Variants in TTC39B observed in about 807,000 individuals in gnomAD.
TTC39B encodes the protein tetratricopeptide repeat domain 39B.
In TTC39B, 92 loss-of-function variants were observed where a neutral mutation model predicts 96.6. The observed-to-expected ratio is 0.95, with a 90% confidence interval of 0.80 to 1.13. TTC39B has a LOEUF of 1.13. Among genes scored for constraint, TTC39B ranks in the 50% most tolerant of loss-of-function variants. The probability of loss-of-function intolerance (pLI) is 0.00; values close to 1 mark genes in which losing one functional copy is unlikely to be tolerated. For missense variants in TTC39B, 955 were observed against 809.3 expected (o/e 1.18, Z -2.18); for synonymous variants, 367 against 299.4 (o/e 1.23, Z -2.33).
In TTC39B at chr9:15,226,020, T is replaced by C; in HGVS notation, c.276-8A>G. The C allele has an allele frequency of 1.9e-6, 3 of 1,612,546 alleles. No individual in the cohort carries two copies. Among genetic ancestry groups the C allele is most frequent in the South Asian group, 2.2e-5 (2 of 91,048 alleles). On this transcript the variant is annotated splice_polypyrimidine_tract_variant and splice_region_variant and intron_variant, in intron 2 of 19. Transcript: ENST00000512701. Reference sequence around the variant, plus strand: ...ATATCTGAGTGAGAAGATCTGTTAATTAAAAAGGCAGAGCAAGGTTTTTTA... The same window carrying C: ...ATATCTGAGTGAGAAGATCTGTTAACTAAAAAGGCAGAGCAAGGTTTTTTA...
intron 6 of TTC39B, among the ~76,000 whole-genome samples, chr9:15,204,811 G>T (rs1300830874): frequency 1.3e-5 from 2 of 152,152 alleles, no homozygotes; most frequent in Non-Finnish European, 2.9e-5. Context: ...TCTAGCACAA[G>T]AACAAGGTAC....
intron 1 of TTC39B, among the ~76,000 whole-genome samples, chr9:15,284,247 G>C (rs572423897): frequency 7.6e-4 from 116 of 152,330 alleles, no homozygotes; most frequent in African/African-American, 2.6e-3. Flanking sequence ...TTACAAGGTT[G>C]ATAATATCCA....
chr9:15,177,041 A>C (rs192269695), intron 18 of TTC39B, among the ~76,000 whole-genome samples: 1 of 152,350 alleles, frequency 6.6e-6, no homozygotes, highest in East Asian at 1.9e-4. Context: ...CTTTACTGCC[A>C]AATTATTATC....
At chr9:15,175,227 T>G in intron 18 of TTC39B, 92 bp from the exon 19 acceptor site, 1 of 862,256 alleles carries the variant, frequency 1.2e-6, no homozygotes, top group South Asian at 1.6e-5. Flanking sequence ...TCAGAAAACA[T>G]GTGCAGCACT....
At chr9:15,242,191 A>G (rs189031219) in intron 2 of TTC39B, among the ~76,000 whole-genome samples, 13 of 152,228 alleles carry the variant, frequency 8.5e-5, no homozygotes, top group African/African-American at 3.1e-4. Flanking sequence ...TAAATAAACA[A>G]AGGAGCAAAT....
chr9:15,240,819 C>T (rs902302341), intron 2 of TTC39B, among the ~76,000 whole-genome samples: 7 of 152,150 alleles, frequency 4.6e-5, no homozygotes, highest in African/African-American at 1.7e-4. Flanking sequence ...TTAAAAAAGT[C>T]AGTTCTTGAA....
rs757834350 is a variant in TTC39B at position 15,177,809 on chromosome 9, T to A, written c.1729A>T (p.Asn577Tyr). 7 of 1,580,194 alleles carry A rather than the reference T, an allele frequency of 4.4e-6. No individual in the cohort carries two copies. In the African/African-American group the frequency reaches 9.6e-5, roughly 22 times the overall value. The change falls in exon 18 of 20, where the codon AAC becomes TAC. Residue 577 changes from asparagine to tyrosine, a missense_variant. Coordinates refer to ENST00000512701, the Ensembl canonical transcript of TTC39B. Reference sequence around the variant, plus strand: ...CACTCATCATCCACAGAGAAGCTGTTAAAATCTTAAAACAAAAAACATACA... The same window carrying A: ...CACTCATCATCCACAGAGAAGCTGTAAAAATCTTAAAACAAAAAACATACA...
At chr9:15,294,541 A>C (rs1023647276) in intron 1 of TTC39B, among the ~76,000 whole-genome samples, 5 of 152,220 alleles carry the variant, frequency 3.3e-5, no homozygotes, top group African/African-American at 1.2e-4. Context: ...ACAAATATTA[A>C]CACTTTTCAG....
Position 15,184,953 on chromosome 9 carries a change from C to T in TTC39B, c.1614+327G>A, listed in dbSNP as rs114276067. Among the ~76,000 whole-genome samples, 740 of 152,200 alleles carry T rather than the reference C, an allele frequency of 4.9e-3. 2 individuals are homozygous for T. Among genetic ancestry groups the T allele is most frequent in the African/African-American group, 0.017 (701 of 41,510 alleles). On this transcript the variant is annotated intron_variant, in intron 16 of 19. Transcript: ENST00000512701. ...TAATGTGGCTTGCATTAGAATTCAA[C>T]TCAACTTCAATGGAATCAACTTCTT... is the stretch of plus-strand genomic sequence containing the variant.
At chr9:15,304,375 G>A (rs911224325) in intron 1 of TTC39B, among the ~76,000 whole-genome samples, 3 of 152,100 alleles carry the variant, frequency 2.0e-5, no homozygotes, top group Non-Finnish European at 4.4e-5. Context: ...AGCTTTAAAT[G>A]GCCACACACC....
In TTC39B at chr9:15,189,445, A is replaced by AT. The variant is rs957161209; in HGVS notation, c.1233+128dup. ...AAAAGTTTTGGCTTTTTACTTATAT[A>AT]TTTTTTTCTTTATTTTTGTCTAGTC... is the stretch of plus-strand genomic sequence containing the variant. On this transcript the variant is annotated intron_variant, in intron 13 of 19. Transcript: ENST00000512701. 1.4e-5 allele frequency: 13 copies of AT among 902,238 alleles called. No homozygotes were observed. The African/African-American group carries it at 2.1e-4, about 14-fold the overall frequency. The allele number at this position is 902,238 out of a possible 1,614,324, so 55.9% of individuals were successfully genotyped here.
At chr9:15,199,961 G>A (rs565591704) in intron 7 of TTC39B, 36 bp from the exon 8 acceptor site, 2 of 1,316,608 alleles carry the variant, frequency 1.5e-6, no homozygotes, top group South Asian at 1.3e-5. Flanking sequence ...AGATTATTTA[G>A]CAAAAAATTT....
chr9:15,215,961 A>C (rs1820492928), intron 3 of TTC39B, among the ~76,000 whole-genome samples: 1 of 152,258 alleles, frequency 6.6e-6, no homozygotes, highest in Admixed American at 6.5e-5. Flanking sequence ...CTTCAATTTC[A>C]TTCTTTAAAA....
chr9:15,216,295 G>A lies in TTC39B; in HGVS notation c.372-2046C>T, dbSNP rs78057102. Among the ~76,000 whole-genome samples, 1,145 of 152,222 alleles carry A rather than the reference G, an allele frequency of 7.5e-3. 24 individuals carry two copies. Among genetic ancestry groups the A allele is most frequent in the East Asian group, 0.026 (137 of 5,180 alleles). On this transcript the variant is annotated intron_variant, in intron 3 of 19. Transcript: ENST00000512701. ...TTCGACAATACCTAGAACATATTAC[G>A]TGCTCAAAAAATATGTTGAGTGGTA...
chr9:15,249,856 G>A, intron 2 of TTC39B: 1 of 1,151,428 alleles, frequency 8.7e-7, no homozygotes, highest in South Asian at 1.8e-5. Context: ...AACCCTCATA[G>A]ATTTAAAGAG....
chr9:15,236,731 A>T (rs925964679), intron 2 of TTC39B, among the ~76,000 whole-genome samples: 42 of 152,224 alleles, frequency 2.8e-4, no homozygotes, highest in African/African-American at 9.2e-4. Context: ...CTCTTGGGTA[A>T]ACAATGAAAT....
intron 2 of TTC39B, among the ~76,000 whole-genome samples, chr9:15,251,464 A>C (rs1039283810): frequency 2.1e-4 from 32 of 151,854 alleles, no homozygotes; most frequent in Non-Finnish European, 4.4e-5. Context: ...AGGGAGGCTG[A>C]GGCAGGAGAA....
intron 16 of TTC39B, chr9:15,183,459 A>G: frequency 3.6e-6 from 1 of 274,302 alleles, no homozygotes; most frequent in Non-Finnish European, 6.7e-6. Flanking sequence ...TAAAATTCCT[A>G]GGTACAAAAA....
At chr9:15,287,979 A>G (rs1324339256) in intron 1 of TTC39B, among the ~76,000 whole-genome samples, 2 of 151,622 alleles carry the variant, frequency 1.3e-5, no homozygotes, top group Non-Finnish European at 2.9e-5. Flanking sequence ...ACATAAAAAA[A>G]TGATTCTTTC....
Sources: gnomAD v4.1 joint callset for allele counts (sites outside exome capture counted in the v4.1 genomes callset) on GRCh38, gnomAD v4.1.1 for gene constraint, MANE v1.5 for transcripts, NCBI Gene and HGNC (gene_info 2026-07-23, HGNC 2026-07-21) for gene names.